SLIT3: variants seen among roughly 807,000 people sequenced by gnomAD.
SLIT3 encodes slit homolog 3 protein.
SLIT3 carries 68 observed loss-of-function variants against 184.0 expected under a neutral mutation model. The observed-to-expected ratio is 0.37, with a 90% CI of 0.30 to 0.45. SLIT3 has a LOEUF of 0.45. Among genes scored for constraint, SLIT3 ranks in the 20% least tolerant of loss-of-function variants. SLIT3 has a pLI of 1.00. For missense variants in SLIT3, 1,707 were observed against 2,026.0 expected (o/e 0.84, Z 3.02); for synonymous variants, 831 against 828.6 (o/e 1.00, Z -0.05).
intron 5 of SLIT3, among the ~76,000 whole-genome samples, chr5:168,878,179 C>T (rs1759809751): frequency 6.6e-6 from 1 of 152,220 alleles, no homozygotes; most frequent in Non-Finnish European, 1.5e-5. Flanking sequence ...TTAAATACAG[C>T]ACCTTCCGCC....
chr5:169,014,350 C>T (rs1459457335), intron 4 of SLIT3, among the ~76,000 whole-genome samples: 1 of 152,120 alleles, frequency 6.6e-6, no homozygotes, highest in Admixed American at 6.5e-5. Context: ...TCCTGAATAC[C>T]TAAGTCCATG....
At chr5:168,842,755 G>A (rs1758313497) in intron 6 of SLIT3, among the ~76,000 whole-genome samples, 1 of 152,182 alleles carries the variant, frequency 6.6e-6, no homozygotes, top group African/African-American at 2.4e-5. Flanking sequence ...AGACAACACC[G>A]TTCCTAGCAC....
intron 23 of SLIT3, among the ~76,000 whole-genome samples, chr5:168,721,479 G>T (rs1266261549): frequency 6.6e-6 from 1 of 152,140 alleles, no homozygotes; most frequent in Non-Finnish European, 1.5e-5. Context: ...TGATTTTATG[G>T]ATGAGAAGAC....
intron 4 of SLIT3, among the ~76,000 whole-genome samples, chr5:169,188,818 A>G (rs187918519): frequency 8.5e-4 from 130 of 152,316 alleles, no homozygotes; most frequent in African/African-American, 2.5e-3. Flanking sequence ...TATGTTACTG[A>G]TAAGAACCTG....
chr5:169,063,660 G>C (rs1332963747), intron 4 of SLIT3, among the ~76,000 whole-genome samples: 1 of 152,164 alleles, frequency 6.6e-6, no homozygotes, highest in Non-Finnish European at 1.5e-5. Context: ...TGTGTGATGC[G>C]GACACCATAA....
At chr5:168,868,554 C>T (rs1052168743) in intron 5 of SLIT3, among the ~76,000 whole-genome samples, 7 of 149,374 alleles carry the variant, frequency 4.7e-5, no homozygotes, top group Non-Finnish European at 7.5e-5. Context: ...TTGAGAACAG[C>T]CTGGCCAACA....
At chr5:168,962,240 C>A in intron 4 of SLIT3, among the ~76,000 whole-genome samples, 1 of 151,898 alleles carries the variant, frequency 6.6e-6, no homozygotes. Context: ...AGAGCACAAG[C>A]ATTCTGCCCT....
chr5:168,692,362 C>G (rs1281119366), intron 29 of SLIT3, among the ~76,000 whole-genome samples: 7 of 152,144 alleles, frequency 4.6e-5, no homozygotes, highest in African/African-American at 1.7e-4. Context: ...CTTTCTCTCT[C>G]TCTGTCTCTT....
chr5:168,864,761 A>G (rs1759238474), intron 5 of SLIT3, among the ~76,000 whole-genome samples: 1 of 152,230 alleles, frequency 6.6e-6, no homozygotes, highest in Non-Finnish European at 1.5e-5. Flanking sequence ...ATACTGATGA[A>G]GGCTTTCTTC....
intron 8 of SLIT3, among the ~76,000 whole-genome samples, chr5:168,813,869 T>C (rs1757243690): frequency 6.6e-6 from 1 of 152,238 alleles, no homozygotes; most frequent in South Asian, 2.1e-4. Context: ...AAATTTTTGA[T>C]ACCATTTAAA....
At chr5:168,787,776 G>T (rs1756209461) in intron 11 of SLIT3, among the ~76,000 whole-genome samples, 1 of 152,056 alleles carries the variant, frequency 6.6e-6, no homozygotes, top group Non-Finnish European at 1.5e-5. Flanking sequence ...TTTGTTGAAT[G>T]AATGAATGCA....
chr5:168,858,695 G>C (rs1196821554), intron 5 of SLIT3, among the ~76,000 whole-genome samples: 1 of 152,210 alleles, frequency 6.6e-6, no homozygotes, highest in Non-Finnish European at 1.5e-5. Flanking sequence ...TGGATGAGCT[G>C]TGTCTTCCTA....
Position 169,205,526 on chromosome 5 carries a change from C to A in SLIT3, c.342-11976G>T, listed in dbSNP as rs2113497786. Among the ~76,000 whole-genome samples the A allele has an allele frequency of 2.6e-5, 4 of 152,238 alleles. No individual in the cohort carries two copies. In the Middle Eastern group the frequency reaches 0.01, roughly 388 times the overall value. ...AGATTTTTGTCTGTTTTGTTCACTG[C>A]CACTTGAGCCTGGCAACTAGTAGGT... On this transcript the variant is annotated intron_variant, in intron 3 of 35. Transcript: ENST00000519560.
chr5:168,995,690 A>T (rs550712092), intron 4 of SLIT3: 2 of 152,350 alleles, frequency 1.3e-5, no homozygotes, highest in South Asian at 2.1e-4. Context: ...GTTTCCAAGG[A>T]TTGGGAACTT....
intron 4 of SLIT3, among the ~76,000 whole-genome samples, chr5:168,898,350 G>A (rs968283326): frequency 1.3e-5 from 2 of 151,670 alleles, no homozygotes; most frequent in Admixed American, 6.6e-5. Flanking sequence ...GTGGTCCCCC[G>A]GGATGTCAGG....
chr5:168,825,615 G>A (rs1757673526), intron 6 of SLIT3, among the ~76,000 whole-genome samples: 1 of 152,192 alleles, frequency 6.6e-6, no homozygotes, highest in African/African-American at 2.4e-5. Context: ...ATTTTATGAA[G>A]TTGAGCCCAC....
intron 4 of SLIT3, among the ~76,000 whole-genome samples, chr5:168,900,430 C>T (rs955098993): frequency 2.6e-5 from 4 of 152,094 alleles, no homozygotes; most frequent in East Asian, 1.9e-4. Flanking sequence ...GTCAGGGCAA[C>T]GTGGTGAAAA....
At position 168,746,190 on chromosome 5, in the gene SLIT3, C is replaced by A. The variant is rs1276037981; in HGVS notation, c.2270+2112G>T. ...TATCTCCAAGGTATGCCTGTACGTGCTAACCTGGCCCAGAAAAGGGGATGT... is the reference window on the plus strand; with the variant it reads ...TATCTCCAAGGTATGCCTGTACGTGATAACCTGGCCCAGAAAAGGGGATGT... On this transcript the variant is annotated intron_variant, in intron 20 of 35. Transcript: ENST00000519560. Among the ~76,000 whole-genome samples the A allele has an allele frequency of 2.6e-5, 4 of 152,182 alleles. No individual in the cohort carries two copies. The South Asian group carries it at 6.2e-4, about 24-fold the overall frequency.
intron 20 of SLIT3, among the ~76,000 whole-genome samples, chr5:168,732,893 T>C (rs1362042991): frequency 6.6e-6 from 1 of 152,126 alleles, no homozygotes; most frequent in African/African-American, 2.4e-5. Flanking sequence ...AAAACTCTTT[T>C]GGACATTGGC....
Sources: gnomAD v4.1 joint callset for allele counts (sites outside exome capture counted in the v4.1 genomes callset) on GRCh38, gnomAD v4.1.1 for gene constraint, MANE v1.5 for transcripts, NCBI Gene and HGNC (gene_info 2026-07-23, HGNC 2026-07-21) for gene names.